LRRTM4: variants seen among roughly 807,000 people sequenced by gnomAD.
LRRTM4 encodes leucine rich repeat transmembrane neuronal 4.
LRRTM4 carries 25 observed loss-of-function variants against 47.6 expected under a neutral mutation model. The observed-to-expected ratio is 0.53, with a 90% CI of 0.38 to 0.73. The LOEUF is 0.73. Ranked by LOEUF, LRRTM4 falls within the 30% of genes least tolerant of loss-of-function variation. The pLI is 0.00. For synonymous variants in LRRTM4, 311 were observed against 269.5 expected, an observed-to-expected ratio of 1.15 and a Z score of -1.51; for missense variants, 638 against 713.4, an observed-to-expected ratio of 0.89 and a Z score of 1.20.
At chr2:77,409,355 G>A (rs1674334141) in intron 3 of LRRTM4, among the ~76,000 whole-genome samples, 1 of 152,158 alleles carries the variant, frequency 6.6e-6, no homozygotes, top group Non-Finnish European at 1.5e-5. Flanking sequence ...GCAGCATCTT[G>A]TGAGGGCCTT....
At chr2:77,426,390 C>T (rs1573397598) in intron 3 of LRRTM4, among the ~76,000 whole-genome samples, 1 of 152,282 alleles carries the variant, frequency 6.6e-6, no homozygotes, top group Non-Finnish European at 1.5e-5. Flanking sequence ...AATTCCATCA[C>T]ATTGATCAGA....
intron 3 of LRRTM4, among the ~76,000 whole-genome samples, chr2:77,240,631 T>G (rs796215044): frequency 4.6e-5 from 7 of 152,084 alleles, no homozygotes; most frequent in African/African-American, 1.7e-4. Flanking sequence ...GGTATTTATT[T>G]GAAGACAACA....
intron 3 of LRRTM4, among the ~76,000 whole-genome samples, chr2:76,808,449 A>AG (rs945165374): frequency 4.6e-5 from 7 of 151,684 alleles, no homozygotes; most frequent in Non-Finnish European, 1.0e-4. Flanking sequence ...TTTTGGGAAA[A>AG]AAAAAAAGAA....
chr2:77,260,374 CGTGTGTGTGTGT>C lies in LRRTM4; in HGVS notation c.1551+257932_1551+257943del, dbSNP rs58758948. ...GAAATTGGAAGTACTACCAAAAAAT[CGTGTGTGTGTGT>C]GTGTGTGTGTGTGTGTGTGTGTGTG... On this transcript the variant is annotated intron_variant, in intron 3 of 3. Transcript: ENST00000409884. Among the ~76,000 whole-genome samples the C allele has an allele frequency of 2.3e-4, 32 of 140,500 alleles. No individual in the cohort carries two copies. In the East Asian group the frequency reaches 3.6e-3, roughly 16 times the overall value. The allele number at this position is 140,500 out of a possible 152,430, so 92.2% of individuals were successfully genotyped here.
At chr2:76,833,532 CA>C (rs1419004596) in intron 3 of LRRTM4, among the ~76,000 whole-genome samples, 3 of 152,052 alleles carry the variant, frequency 2.0e-5, no homozygotes, top group African/African-American at 7.2e-5. Context: ...TTCATTTTCT[CA>C]GTTTAACTAA....
chr2:76,801,261 A>C (rs1675661885), intron 3 of LRRTM4, among the ~76,000 whole-genome samples: 1 of 152,024 alleles, frequency 6.6e-6, no homozygotes, highest in Admixed American at 6.6e-5. Context: ...CTTGGAACCA[A>C]CCCAAATGTC....
intron 3 of LRRTM4, among the ~76,000 whole-genome samples, chr2:77,303,637 A>C (rs1044553978): frequency 8.5e-5 from 13 of 152,180 alleles, no homozygotes; most frequent in African/African-American, 3.1e-4. Flanking sequence ...TGAATGAGTA[A>C]CCACCATTCA....
At chr2:76,896,550 G>A (rs1465668334) in intron 3 of LRRTM4, among the ~76,000 whole-genome samples, 2 of 151,908 alleles carry the variant, frequency 1.3e-5, no homozygotes, top group Non-Finnish European at 2.9e-5. Flanking sequence ...AATTAAATAT[G>A]CTAGAATTGA....
At chr2:77,517,093 TAGTC>T in intron 3 of LRRTM4, 1 of 985,174 alleles carries the variant, frequency 1.0e-6, no homozygotes, top group Non-Finnish European at 1.2e-6. Context: ...AAGGCCTTAG[TAGTC>T]AGTCTTTGCA....
At chr2:77,102,477 C>T (rs1670982884) in intron 3 of LRRTM4, among the ~76,000 whole-genome samples, 1 of 152,196 alleles carries the variant, frequency 6.6e-6, no homozygotes, top group Admixed American at 6.5e-5. Context: ...TTGTTGAAAA[C>T]ATTTAGCCCA....
chr2:77,487,627 G>A (rs545602647), intron 3 of LRRTM4, among the ~76,000 whole-genome samples: 2 of 152,262 alleles, frequency 1.3e-5, no homozygotes, highest in East Asian at 3.9e-4. Context: ...GACAGACAGG[G>A]GCAGTTCCCC....
chr2:77,205,922 AC>A (rs1439119727), intron 3 of LRRTM4, among the ~76,000 whole-genome samples: 1 of 150,304 alleles, frequency 6.7e-6, no homozygotes, highest in East Asian at 2.0e-4. Context: ...TGCAGCCTCT[AC>A]CTCCAAAGCT....
intron 3 of LRRTM4, among the ~76,000 whole-genome samples, chr2:77,157,810 G>A (rs1672599845): frequency 6.6e-6 from 1 of 152,104 alleles, no homozygotes; most frequent in Non-Finnish European, 1.5e-5. Flanking sequence ...GATGCAATGG[G>A]CTATTTGCAG....
In LRRTM4 at chr2:77,343,170, C is replaced by T. The variant is rs571825853; in HGVS notation, c.1551+175148G>A. Among the ~76,000 whole-genome samples, 46 of 152,010 alleles carry T rather than the reference C, an allele frequency of 3.0e-4. 1 individual carries two copies. In the South Asian group the frequency reaches 8.9e-3, roughly 30 times the overall value. On this transcript the variant is annotated intron_variant, in intron 3 of 3. Coordinates refer to ENST00000409884, the MANE Select transcript of LRRTM4 (RefSeq NM_001134745.3). ...TTACTTTAGCTAGCTCATTGAGTTTCTGTCACTTGCAACCAAAAGAGCTCT... is the reference window on the plus strand; with the variant it reads ...TTACTTTAGCTAGCTCATTGAGTTTTTGTCACTTGCAACCAAAAGAGCTCT...
At chr2:77,394,921 G>C (rs924882681) in intron 3 of LRRTM4, among the ~76,000 whole-genome samples, 1 of 151,902 alleles carries the variant, frequency 6.6e-6, no homozygotes, top group African/African-American at 2.4e-5. Context: ...TTGTGGAACA[G>C]GGGGTGGAGG....
intron 3 of LRRTM4, among the ~76,000 whole-genome samples, chr2:76,809,465 C>T (rs543549651): frequency 6.6e-6 from 1 of 152,222 alleles, no homozygotes; most frequent in Admixed American, 6.5e-5. Context: ...TAAACTACAT[C>T]CAATTCTCAG....
chr2:77,190,791 G>T (rs1276066425), intron 3 of LRRTM4, among the ~76,000 whole-genome samples: 1 of 152,082 alleles, frequency 6.6e-6, no homozygotes, highest in African/African-American at 2.4e-5. Context: ...AGAATATGTG[G>T]GCTCACTGAA....
chr2:77,277,670 C>T (rs1279490628), intron 3 of LRRTM4, among the ~76,000 whole-genome samples: 1 of 151,956 alleles, frequency 6.6e-6, no homozygotes, highest in African/African-American at 2.4e-5. Flanking sequence ...TTTCTCCGTT[C>T]ATATGTAAAA....
chr2:77,379,678 T>C (rs1368719733), intron 3 of LRRTM4, among the ~76,000 whole-genome samples: 5 of 152,178 alleles, frequency 3.3e-5, no homozygotes, highest in Admixed American at 3.3e-4. Context: ...TGATAATTCT[T>C]TAGATAAAGG....
Sources: allele counts gnomAD v4.1 joint callset (sites outside exome capture counted in the v4.1 genomes callset), GRCh38; gene constraint gnomAD v4.1.1; transcripts MANE v1.5; gene names NCBI Gene and HGNC (gene_info 2026-07-23, HGNC 2026-07-21).